The following CDH18 variants were observed in gnomAD, a reference collection of about 807,000 sequenced individuals.
CDH18 encodes the protein cadherin-18.
Under a neutral mutation model 67.9 loss-of-function variants are expected in CDH18, and 31 were observed. The observed-to-expected ratio is 0.46, with a 90% CI of 0.34 to 0.62. The LOEUF is 0.62. Ranked by LOEUF, CDH18 falls within the 20% of genes least tolerant of loss-of-function variation. CDH18 has a pLI of 0.01. For synonymous variants in CDH18, 362 were observed against 347.2 expected, an observed-to-expected ratio of 1.04 and a Z score of -0.48; for missense variants, 890 against 975.5, an observed-to-expected ratio of 0.91 and a Z score of 1.17.
chr5:19,996,930 T>C (rs186935728), intron 2 of CDH18, among the ~76,000 whole-genome samples: 19 of 152,034 alleles, frequency 1.2e-4, no homozygotes, highest in African/African-American at 4.1e-4. Context: ...ATTCAGAAAA[T>C]ACAAACAGAA....
intron 2 of CDH18, among the ~76,000 whole-genome samples, chr5:20,049,712 C>T (rs1459416152): frequency 6.6e-6 from 1 of 151,562 alleles, no homozygotes; most frequent in Non-Finnish European, 1.5e-5. Context: ...AAGTATACCC[C>T]TATAAACCAT....
chr5:20,301,762 G>A (rs1735933996), intron 1 of CDH18, among the ~76,000 whole-genome samples: 1 of 145,698 alleles, frequency 6.9e-6, no homozygotes, highest in Non-Finnish European at 1.5e-5. Flanking sequence ...CTCCACACCA[G>A]AAAAGGTAGT....
chr5:19,634,191 T>C (rs1752787557), intron 5 of CDH18, among the ~76,000 whole-genome samples: 1 of 152,254 alleles, frequency 6.6e-6, no homozygotes, highest in South Asian at 2.1e-4. Flanking sequence ...TTGTTTTAAC[T>C]GTGTGAAAGA....
chr5:19,740,281 A>C (rs12659317), intron 4 of CDH18, among the ~76,000 whole-genome samples: 11,662 of 152,166 alleles, frequency 0.077, 988 homozygotes, highest in East Asian at 0.24. Flanking sequence ...TTCATACAGA[A>C]ATATTTATTT....
chr5:19,771,762 G>A (rs1163137211), intron 3 of CDH18, among the ~76,000 whole-genome samples: 4 of 152,076 alleles, frequency 2.6e-5, no homozygotes, highest in Non-Finnish European at 5.9e-5. Context: ...ATCGACTTTG[G>A]CTCCATTTGT....
intron 2 of CDH18, among the ~76,000 whole-genome samples, chr5:20,106,908 T>C (rs1172048564): frequency 3.3e-5 from 5 of 152,196 alleles, no homozygotes; most frequent in Admixed American, 2.0e-4. Flanking sequence ...TAAGCTAGTA[T>C]AACAATGCCA....
At chr5:20,103,059 G>T (rs1746611028) in intron 2 of CDH18, among the ~76,000 whole-genome samples, 2 of 152,302 alleles carry the variant, frequency 1.3e-5, no homozygotes, top group Middle Eastern at 3.4e-3. Flanking sequence ...TACTCAGGGT[G>T]AGCATATCAG....
rs147359868 is a variant in CDH18 at position 19,861,597 on chromosome 5, G to A, written c.-256-22355C>T. Among the ~76,000 whole-genome samples, 187 of 152,270 alleles carry A rather than the reference G, an allele frequency of 1.2e-3. 1 individual carries two copies. The highest frequency in any genetic ancestry group is 4.3e-3 in the African/African-American group (179 of 41,554). On this transcript the variant is annotated intron_variant, in intron 2 of 12. Coordinates refer to ENST00000382275, the MANE Select transcript of CDH18 (RefSeq NM_004934.5). Reference sequence around the variant, plus strand: ...AGAAATGTGGGAAACAATTGACAGAGTAGAGAGAGTGGTACCTTGGACTTG... The same window carrying A: ...AGAAATGTGGGAAACAATTGACAGAATAGAGAGAGTGGTACCTTGGACTTG...
intron 1 of CDH18, among the ~76,000 whole-genome samples, chr5:20,323,288 A>G (rs575791275): frequency 2.0e-5 from 3 of 152,268 alleles, no homozygotes; most frequent in African/African-American, 7.2e-5. Flanking sequence ...CTAGGCCTAA[A>G]AATTACATGA....
At chr5:20,017,906 G>A (rs981207879) in intron 2 of CDH18, among the ~76,000 whole-genome samples, 4 of 152,134 alleles carry the variant, frequency 2.6e-5, no homozygotes, top group Non-Finnish European at 5.9e-5. Flanking sequence ...AAATGAATGT[G>A]TAAGTCTCTA....
chr5:19,598,405 C>A (rs1193957201), intron 6 of CDH18, among the ~76,000 whole-genome samples: 1 of 151,974 alleles, frequency 6.6e-6, no homozygotes, highest in Non-Finnish European at 1.5e-5. Flanking sequence ...CATTTACAAT[C>A]TTGCATCTTT....
intron 2 of CDH18, among the ~76,000 whole-genome samples, chr5:20,175,317 G>A (rs927051441): frequency 4.5e-4 from 68 of 152,206 alleles, no homozygotes; most frequent in African/African-American, 1.6e-3. Context: ...TAGAAGTGAT[G>A]ACCCAGTGAA....
At chr5:20,365,711 C>T (rs1381864361) in intron 1 of CDH18, among the ~76,000 whole-genome samples, 4 of 152,152 alleles carry the variant, frequency 2.6e-5, no homozygotes, top group African/African-American at 9.7e-5. Context: ...GTTTCTATAA[C>T]ACCTGGACTA....
At chr5:19,919,138 ATGCATTAACG>A (rs1259759804) in intron 2 of CDH18, among the ~76,000 whole-genome samples, 1 of 152,118 alleles carries the variant, frequency 6.6e-6, no homozygotes, top group African/African-American at 2.4e-5. Context: ...AGGTTGGTGA[ATGCATTAACG>A]TGCCAGAAGG....
chr5:20,211,319 A>G lies in CDH18; in HGVS notation c.-518+44125T>C, dbSNP rs1740337064. On this transcript the variant is annotated intron_variant, in intron 2 of 14. Coordinates refer to the CDH18 transcript ENST00000507958. ...TGTAGACTCCACCTCTGGGGGTAGG[A>G]CATAGCTGAACCAAATGCAGCAGAA... Among the ~76,000 whole-genome samples, 6 of 152,094 alleles carry G rather than the reference A, an allele frequency of 3.9e-5. No individual in the cohort carries two copies. The South Asian group carries it at 1.2e-3, about 32-fold the overall frequency.
intron 1 of CDH18, among the ~76,000 whole-genome samples, chr5:20,472,988 C>T (rs1752191897): frequency 6.6e-6 from 1 of 152,086 alleles, no homozygotes; most frequent in Admixed American, 6.5e-5. Context: ...ATAAGCAGTA[C>T]ATTACTTTAT....
intron 5 of CDH18, among the ~76,000 whole-genome samples, chr5:19,627,608 C>T (rs573952438): frequency 1.3e-5 from 2 of 152,176 alleles, no homozygotes; most frequent in East Asian, 3.9e-4. Flanking sequence ...TCTATAATTG[C>T]TTGTAAATTG....
At chr5:20,500,035 A>G (rs1023636240) in intron 1 of CDH18, among the ~76,000 whole-genome samples, 1 of 152,136 alleles carries the variant, frequency 6.6e-6, no homozygotes, top group Non-Finnish European at 1.5e-5. Flanking sequence ...AGATATATAG[A>G]TAGAAATATC....
At chr5:19,762,794 C>T (rs965247537) in intron 3 of CDH18, among the ~76,000 whole-genome samples, 1 of 152,150 alleles carries the variant, frequency 6.6e-6, no homozygotes, top group Admixed American at 6.5e-5. Context: ...AAGACACATG[C>T]ACACGTATGT....
Sources: allele counts gnomAD v4.1 joint callset (sites outside exome capture counted in the v4.1 genomes callset), GRCh38; gene constraint gnomAD v4.1.1; transcripts MANE v1.5; gene names NCBI Gene and HGNC (gene_info 2026-07-23, HGNC 2026-07-21).